The following CEMIP variants were observed in gnomAD, a reference collection of about 807,000 sequenced individuals.
CEMIP encodes the protein cell migration-inducing and hyaluronan-binding protein.
Under a neutral mutation model 156.9 loss-of-function variants are expected in CEMIP, and 105 were observed. The ratio of observed to expected loss-of-function variants is 0.67; its 90% CI spans 0.57 to 0.79. The LOEUF is 0.79. Among genes scored for constraint, CEMIP ranks in the 30% least tolerant of loss-of-function variants. The pLI is 0.00. For synonymous variants in CEMIP, 676 were observed against 668.4 expected, an observed-to-expected ratio of 1.01 and a Z score of -0.17; for missense variants, 1,457 against 1,769.4, an observed-to-expected ratio of 0.82 and a Z score of 3.17.
chr15:80,864,801 A>T (rs1375408774), intron 1 of CEMIP, among the ~76,000 whole-genome samples: 1 of 152,238 alleles, frequency 6.6e-6, no homozygotes, highest in Non-Finnish European at 1.5e-5. Context: ...TGTAACTAAC[A>T]GTTCTCAAAC....
intron 1 of CEMIP, among the ~76,000 whole-genome samples, chr15:80,789,549 A>G (rs1290906374): frequency 6.6e-6 from 1 of 151,946 alleles, no homozygotes; most frequent in Non-Finnish European, 1.5e-5. Context: ...ATATGCAGAG[A>G]TTTCTTCTTG....
intron 1 of CEMIP, among the ~76,000 whole-genome samples, chr15:80,796,919 G>T (rs184675549): frequency 3.9e-5 from 6 of 152,296 alleles, no homozygotes; most frequent in Admixed American, 2.6e-4. Context: ...ACAAAGTATA[G>T]TAAGAATTTG....
In CEMIP at chr15:80,873,716, G is replaced by T. The variant is rs1266018119; in HGVS notation, c.-17+20G>T. On this transcript the variant is annotated intron_variant, in intron 2 of 29. Transcript: ENST00000394685. Reference sequence around the variant, plus strand: ...CCACTGGTGAGGACGCTGCACTGGAGTGTGGGCTGGCTGAGTGTGCCCATT... The same window carrying T: ...CCACTGGTGAGGACGCTGCACTGGATTGTGGGCTGGCTGAGTGTGCCCATT... The T allele has an allele frequency of 3.1e-6, 2 of 648,510 alleles. No individual in the cohort carries two copies. Among genetic ancestry groups the T allele is most frequent in the Non-Finnish European group, 2.8e-6 (1 of 357,722 alleles). 40.2% of individuals were successfully genotyped at this position (648,510 alleles called of 1,614,324 possible).
chr15:80,843,050 C>T (rs895890802), intron 1 of CEMIP, among the ~76,000 whole-genome samples: 7 of 152,172 alleles, frequency 4.6e-5, no homozygotes, highest in African/African-American at 1.7e-4. Context: ...ACAAGGTGAC[C>T]TTTAAAATGC....
intron 1 of CEMIP, among the ~76,000 whole-genome samples, chr15:80,862,320 A>G (rs57465990): frequency 0.036 from 5,495 of 152,322 alleles, 348 homozygotes; most frequent in African/African-American, 0.13. Flanking sequence ...GGAAGGCCAG[A>G]CAGATGCTCA....
Position 80,858,073 on chromosome 15 carries a change from A to G in CEMIP, c.-175-15465A>G, listed in dbSNP as rs139658614. Among the ~76,000 whole-genome samples the G allele has an allele frequency of 1.3e-3, 200 of 152,212 alleles. 2 individuals carry two copies. The highest frequency in any genetic ancestry group is 4.8e-3 in the African/African-American group (198 of 41,534). On this transcript the variant is annotated intron_variant, in intron 1 of 29. Transcript: ENST00000394685. ...AGGCTGGAGAAGGGTCAGGCCACAC[A>G]GGGCTGGATAAAGGGCTCTGACTTC...
chr15:80,917,349 A>T (rs1255452659), intron 14 of CEMIP, among the ~76,000 whole-genome samples: 8 of 152,132 alleles, frequency 5.3e-5, no homozygotes, highest in Non-Finnish European at 1.0e-4. Context: ...CAGCTGCAGA[A>T]TGAGGTTGCT....
intron 23 of CEMIP, among the ~76,000 whole-genome samples, chr15:80,933,730 T>C (rs1261720481): frequency 6.6e-6 from 1 of 152,234 alleles, no homozygotes; most frequent in Admixed American, 6.5e-5. Context: ...ACACTTACCA[T>C]TGGACCTTGG....
chr15:80,785,399 A>G (rs998388500), intron 1 of CEMIP, among the ~76,000 whole-genome samples: 1 of 152,240 alleles, frequency 6.6e-6, no homozygotes, highest in African/African-American at 2.4e-5. Context: ...CATTCTGGGT[A>G]GCCCAAGATG....
intron 1 of CEMIP, among the ~76,000 whole-genome samples, chr15:80,825,144 G>A (rs1376534132): frequency 6.6e-6 from 1 of 152,206 alleles, no homozygotes; most frequent in Non-Finnish European, 1.5e-5. Flanking sequence ...AACTTGTGAT[G>A]TAGGTTTGAG....
chr15:80,789,392 C>T lies in CEMIP; in HGVS notation c.-176+9778C>T, dbSNP rs1019344981. ...GGAGAGGGCAGGAATTGTGGTGCTC[C>T]GTAGTAGAATGTTTTGCAAATTCTG... On this transcript the variant is annotated intron_variant, in intron 1 of 29. Coordinates refer to ENST00000394685, the MANE Select transcript of CEMIP (RefSeq NM_001293298.2). 4.6e-5 allele frequency among the ~76,000 whole-genome samples: 7 copies of T among 152,100 alleles called. No individual in the cohort carries two copies. The East Asian group carries it at 5.8e-4, about 13-fold the overall frequency.
intron 1 of CEMIP, among the ~76,000 whole-genome samples, chr15:80,796,405 C>T (rs1289410096): frequency 6.6e-6 from 1 of 152,192 alleles, no homozygotes; most frequent in African/African-American, 2.4e-5. Context: ...TCAGTGGGTC[C>T]ATTTTTCATC....
At chr15:80,859,770 G>A (rs1480000002) in intron 1 of CEMIP, among the ~76,000 whole-genome samples, 1 of 152,208 alleles carries the variant, frequency 6.6e-6, no homozygotes, top group African/African-American at 2.4e-5. Flanking sequence ...CGGAAGTATT[G>A]GGATAGTGGA....
At chr15:80,886,114 T>C (rs1308031307) in intron 7 of CEMIP, among the ~76,000 whole-genome samples, 1 of 152,198 alleles carries the variant, frequency 6.6e-6, no homozygotes, top group Non-Finnish European at 1.5e-5. Context: ...TGGAAATTGG[T>C]GACGGGGCAT....
At chr15:80,945,831 C>G (rs1016654054) in intron 28 of CEMIP, among the ~76,000 whole-genome samples, 6 of 152,206 alleles carry the variant, frequency 3.9e-5, no homozygotes, top group Non-Finnish European at 8.8e-5. Flanking sequence ...GCCCAGTGTG[C>G]TGAGTCTGCC....
At chr15:80,869,545 G>A (rs557774427) in intron 1 of CEMIP, among the ~76,000 whole-genome samples, 1 of 152,316 alleles carries the variant, frequency 6.6e-6, no homozygotes, top group Admixed American at 6.5e-5. Flanking sequence ...AAGAGTGACT[G>A]TCTAGATTGT....
rs1214291183 is a variant in CEMIP, at chr15:80,878,779, C to T, written c.153C>T (p.Asp51=). The change falls in exon 4 of 30, where the codon GAC becomes GAT. Residue 51 remains aspartate (D), a synonymous_variant. Coordinates refer to ENST00000394685, the MANE Select transcript of CEMIP (RefSeq NM_001293298.2). The stretch of plus-strand genomic sequence containing the variant: ...TGCAACCCTGGAACCCTGGCCATGA[C>T]CAAGACCACCATGTGCATATCGGCC... ...PELQPWNPGH[D]QDHHVHIGQG... is the part of the protein sequence containing the mutation. 6.2e-7 allele frequency: 1 copy of T among 1,614,060 alleles called. No homozygotes were observed. Among genetic ancestry groups the T allele is most frequent in the Non-Finnish European group, 8.5e-7 (1 of 1,180,044 alleles).
intron 9 of CEMIP, 34 bp downstream of exon 9, chr15:80,888,830 C>T: frequency 2.0e-6 from 3 of 1,514,950 alleles, no homozygotes; most frequent in South Asian, 2.2e-5. Context: ...TGACACCTAA[C>T]AGTGGGATAG....
chr15:80,914,468 C>T (rs12593609), intron 14 of CEMIP, among the ~76,000 whole-genome samples: 111,187 of 152,124 alleles, frequency 0.73, 43,931 homozygotes, highest in Non-Finnish European at 0.87. Context: ...CAGGTTGTGC[C>T]CTGCACTGCT....
Sources: allele counts gnomAD v4.1 joint callset (sites outside exome capture counted in the v4.1 genomes callset), GRCh38; gene constraint gnomAD v4.1.1; transcripts MANE v1.5; gene names NCBI Gene and HGNC (gene_info 2026-07-23, HGNC 2026-07-21).